The following SPATS2L variants were observed in gnomAD, a reference collection of about 807,000 sequenced individuals.
The protein encoded by SPATS2L is SPATS2-like protein.
Under a neutral mutation model 59.6 loss-of-function variants are expected in SPATS2L, and 30 were observed. The ratio of observed to expected loss-of-function variants is 0.50; its 90% confidence interval spans 0.38 to 0.68. The LOEUF is 0.68. Ranked by LOEUF, SPATS2L falls within the 30% of genes least tolerant of loss-of-function variation. The pLI is 0.00. For synonymous variants in SPATS2L, 252 were observed against 263.5 expected, an observed-to-expected ratio of 0.96 and a Z score of 0.42; for missense variants, 615 against 700.0, an observed-to-expected ratio of 0.88 and a Z score of 1.37.
intron 9 of SPATS2L, chr2:200,463,242 T>C (rs1428231742): frequency 6.6e-6 from 1 of 152,182 alleles, no homozygotes; most frequent in African/African-American, 2.4e-5. Context: ...TTAATTTGGT[T>C]CTCTGTGGTC....
chr2:200,454,487 T>C (rs186591514), intron 8 of SPATS2L, among the ~76,000 whole-genome samples: 1 of 152,362 alleles, frequency 6.6e-6, no homozygotes, highest in Admixed American at 6.5e-5. Flanking sequence ...CTGATTCTTT[T>C]CATTATTGTT....
In SPATS2L at chr2:200,439,240, CA is replaced by C; in HGVS notation, c.566del (p.Lys189SerfsTer20). 6.2e-7 allele frequency: 1 copy of C among 1,613,722 alleles called. No homozygotes were observed. The highest frequency in any genetic ancestry group is 8.5e-7 in the Non-Finnish European group (1 of 1,179,716). On this transcript the variant is annotated frameshift_variant, in exon 7 of 13. Coordinates refer to ENST00000409140, the MANE Select transcript of SPATS2L (RefSeq NM_001100423.2). LOFTEE classifies it high-confidence loss of function. ...WSAEQPCNPS[K>X]PKAKTSPVKS... ...CAGCTGAGCAGCCTTGTAACCCAAGCAAGCCTAAGGCAAAAACATCTCCTGT... is the reference window on the plus strand; with the variant it reads ...CAGCTGAGCAGCCTTGTAACCCAAGCAGCCTAAGGCAAAAACATCTCCTGT...
chr2:200,417,988 A>G (rs2083135950), intron 5 of SPATS2L, among the ~76,000 whole-genome samples: 1 of 152,152 alleles, frequency 6.6e-6, no homozygotes, highest in South Asian at 2.1e-4. Flanking sequence ...AACATATAAC[A>G]TAATTAGGAA....
intron 8 of SPATS2L, among the ~76,000 whole-genome samples, chr2:200,442,533 A>G (rs542854782): frequency 6.6e-6 from 1 of 152,340 alleles, no homozygotes; most frequent in East Asian, 1.9e-4. Context: ...TTAGCTGTTC[A>G]GAGAAGACCA....
intron 9 of SPATS2L, among the ~76,000 whole-genome samples, chr2:200,466,552 G>A (rs1001573529): frequency 6.6e-6 from 1 of 152,216 alleles, no homozygotes; most frequent in Non-Finnish European, 1.5e-5. Flanking sequence ...GTGTGAAAAT[G>A]TTGGAGCCAG....
intron 2 of SPATS2L, among the ~76,000 whole-genome samples, chr2:200,337,157 C>T (rs890267213): frequency 2.0e-5 from 3 of 152,282 alleles, no homozygotes; most frequent in South Asian, 2.1e-4. Flanking sequence ...AAGTGCTAAC[C>T]TATGAAATGT....
intron 2 of SPATS2L, among the ~76,000 whole-genome samples, chr2:200,348,372 T>G (rs1027851524): frequency 5.6e-4 from 86 of 152,224 alleles, no homozygotes; most frequent in Non-Finnish European, 5.9e-4. Context: ...CTGAAGATGT[T>G]CAGATGGACT....
Position 200,480,023 on chromosome 2 carries a change from C to T in SPATS2L, c.*1992C>T, listed in dbSNP as rs570167892. ...GGCCCTGAATTCATATATTACAAGACGGAAGGATTTTGCACAGTTTTTTAT... is the reference window on the plus strand; with the variant it reads ...GGCCCTGAATTCATATATTACAAGATGGAAGGATTTTGCACAGTTTTTTAT... On this transcript the variant is annotated 3_prime_UTR_variant, in exon 13 of 13. Transcript: ENST00000409140. 5.7e-4 allele frequency: 181 copies of T among 317,434 alleles called. No individual in the cohort carries two copies. The highest frequency in any genetic ancestry group is 9.4e-4 in the South Asian group (6 of 6,372). The allele number at this position is 317,434 out of a possible 1,614,324, so 19.7% of individuals were successfully genotyped here. A position where few individuals can be genotyped will look rare whatever the true frequency, so the allele number is the denominator to read the frequency against.
At chr2:200,326,510 A>G (rs1429808909) in intron 1 of SPATS2L, among the ~76,000 whole-genome samples, 1 of 152,166 alleles carries the variant, frequency 6.6e-6, no homozygotes, top group Non-Finnish European at 1.5e-5. Flanking sequence ...ATTTTTCCTC[A>G]AAGTTGTCCT....
intron 7 of SPATS2L, among the ~76,000 whole-genome samples, chr2:200,439,657 G>A (rs939689856): frequency 1.3e-5 from 2 of 152,188 alleles, no homozygotes; most frequent in Non-Finnish European, 2.9e-5. Flanking sequence ...TTTTAAAAAT[G>A]TAACTGCTAA....
intron 2 of SPATS2L, among the ~76,000 whole-genome samples, chr2:200,379,933 G>A (rs1041826637): frequency 8.5e-5 from 13 of 152,160 alleles, no homozygotes; most frequent in Admixed American, 6.5e-4. Context: ...CACCAGGTCC[G>A]GGTCACCCAC....
chr2:200,433,899 C>G, intron 6 of SPATS2L, among the ~76,000 whole-genome samples: 1 of 151,970 alleles, frequency 6.6e-6, no homozygotes, highest in East Asian at 1.9e-4. Flanking sequence ...CAATCTTAAA[C>G]AGTTTCAGAA....
intron 3 of SPATS2L, among the ~76,000 whole-genome samples, chr2:200,397,383 G>A (rs930916485): frequency 6.6e-6 from 1 of 152,118 alleles, no homozygotes; most frequent in Non-Finnish European, 1.5e-5. Flanking sequence ...AGTTTTTACG[G>A]AGAAGAAAAT....
At chr2:200,375,326 A>G (rs1436688399) in intron 2 of SPATS2L, among the ~76,000 whole-genome samples, 1 of 152,158 alleles carries the variant, frequency 6.6e-6, no homozygotes, top group East Asian at 1.9e-4. Context: ...TTTTTTGGAC[A>G]AAAGTGTAGG....
intron 2 of SPATS2L, among the ~76,000 whole-genome samples, chr2:200,383,534 C>A (rs1427260735): frequency 6.6e-6 from 1 of 152,154 alleles, no homozygotes; most frequent in Non-Finnish European, 1.5e-5. Context: ...ATCACAACTT[C>A]CCCACACCAA....
rs926529941 is a variant in SPATS2L, at chr2:200,478,108, A to T, written c.*77A>T. 4 of 1,352,350 alleles carry T rather than the reference A, an allele frequency of 3.0e-6. No individual in the cohort carries two copies. Among genetic ancestry groups the T allele is most frequent in the Non-Finnish European group, 3.0e-6 (3 of 1,002,414 alleles). The allele number at this position is 1,352,350 out of a possible 1,614,324, so 83.8% of individuals were successfully genotyped here. On this transcript the variant is annotated 3_prime_UTR_variant, in exon 13 of 13. Coordinates refer to ENST00000409140, the MANE Select transcript of SPATS2L (RefSeq NM_001100423.2). ...TGCTGACCCAATTCGCTGCCAAAAG[A>T]GTGTCAATCAGAATATACAAATCCC...
At chr2:200,395,284 A>G (rs1456153365) in intron 3 of SPATS2L, among the ~76,000 whole-genome samples, 1 of 152,260 alleles carries the variant, frequency 6.6e-6, no homozygotes, top group Non-Finnish European at 1.5e-5. Flanking sequence ...ATCAGTTTAA[A>G]TAGAATACAA....
intron 2 of SPATS2L, among the ~76,000 whole-genome samples, chr2:200,347,069 A>G (rs1192369230): frequency 2.0e-5 from 3 of 152,206 alleles, no homozygotes; most frequent in African/African-American, 4.8e-5. Context: ...TTTTAACTCT[A>G]TCTCTAATTT....
chr2:200,445,864 T>C (rs922676053), intron 8 of SPATS2L, among the ~76,000 whole-genome samples: 1 of 151,900 alleles, frequency 6.6e-6, no homozygotes, highest in Non-Finnish European at 1.5e-5. Context: ...GTGTGTCCTT[T>C]GGGTTTTTTA....
Sources: allele counts gnomAD v4.1 joint callset (sites outside exome capture counted in the v4.1 genomes callset), GRCh38; gene constraint gnomAD v4.1.1; transcripts MANE v1.5; gene names NCBI Gene and HGNC (gene_info 2026-07-23, HGNC 2026-07-21).